LILRB5: variants seen among roughly 807,000 people sequenced by gnomAD.
The protein encoded by LILRB5 is leukocyte immunoglobulin like receptor B5, also known as leukocyte immunoglobulin-like receptor subfamily B member 5.
A neutral mutation model predicts 68.4 loss-of-function variants in LILRB5; 61 were observed. That is an observed-to-expected ratio of 0.89 (90% CI 0.73 to 1.10). The LOEUF is 1.10. Among genes scored for constraint, LILRB5 ranks in the 50% least tolerant of loss-of-function variants. LILRB5 has a pLI of 0.00. For synonymous variants in LILRB5, 356 were observed against 315.8 expected, an observed-to-expected ratio of 1.13 and a Z score of -1.35; for missense variants, 771 against 751.6, an observed-to-expected ratio of 1.03 and a Z score of -0.30.
chr19:54,254,340 G>C (rs551870057), intron 7 of LILRB5, 25 bp downstream of exon 7: 2 of 1,560,992 alleles, frequency 1.3e-6, no homozygotes, highest in Admixed American at 1.9e-5. Context: ...CGCTCCCTCC[G>C]AGCCCAGAGG....
chr19:54,250,995 G>C, intron 12 of LILRB5, 63 bp from the exon 13 acceptor site: 1 of 1,595,450 alleles, frequency 6.3e-7, no homozygotes, highest in Non-Finnish European at 8.6e-7. Flanking sequence ...TGGGGGCCTG[G>C]AGAGGAAAGG....
chr19:54,255,964 A>G (rs2079126341), intron 4 of LILRB5, 79 bp downstream of exon 4: 1 of 1,185,018 alleles, frequency 8.4e-7, no homozygotes, highest in East Asian at 2.4e-5. Context: ...GGTCCTTGCC[A>G]TGATCAGTCA....
intron 6 of LILRB5, 94 bp from the exon 7 acceptor site, chr19:54,254,509 T>C (rs2079056804): frequency 2.8e-6 from 4 of 1,416,470 alleles, no homozygotes; most frequent in Non-Finnish European, 3.8e-6. Flanking sequence ...GAAACTTTCT[T>C]CTGCTCACCT....
rs202105013 is a variant in LILRB5, at chr19:54,250,897, G to A, written c.1665C>T (p.Tyr555=). 1.5e-4 allele frequency: 243 copies of A among 1,611,472 alleles called. 1 individual carries two copies. Among genetic ancestry groups the A allele is most frequent in the South Asian group, 3.3e-4 (30 of 90,948 alleles). Residue 555 remains tyrosine, a synonymous_variant, in exon 13 of 13, where the codon TAC becomes TAT. Coordinates refer to ENST00000449561, the MANE Select transcript of LILRB5 (RefSeq NM_001081442.3). ...AASEAPQDVT[Y]AQLHSLTLRR... The stretch of plus-strand genomic sequence containing the variant: ...TGAGGGTCAAGCTGTGCAGCTGGGC[G>A]TAGGTCACATCCTGGGGGGCTTCAG...
chr19:54,253,948 A>G (rs1292950369), intron 8 of LILRB5, 70 bp downstream of exon 8: 3 of 1,553,216 alleles, frequency 1.9e-6, no homozygotes, highest in African/African-American at 1.4e-5. Context: ...GAGGAGCCTG[A>G]ACCTACGACA....
At chr19:54,255,804 G>A in intron 4 of LILRB5, 3 of 674,282 alleles carry the variant, frequency 4.4e-6, no homozygotes, top group South Asian at 2.0e-5. Flanking sequence ...TCTCCTCATT[G>A]AGGGACAGGA....
rs1299202404 is a variant in LILRB5 at position 54,254,778 on chromosome 19, G to A, written c.1212C>T (p.Tyr404=). The change falls in exon 6 of 13, where the codon TAC becomes TAT. Residue 404 remains tyrosine (Y), a synonymous_variant. Transcript: ENST00000449561. ...GGGGGTAACTAGGGCTGGACAGCAGGTAGGGGTAGGACCTGATTGCGCTGT... is the reference window on the plus strand; with the variant it reads ...GGGGGTAACTAGGGCTGGACAGCAGATAGGGGTAGGACCTGATTGCGCTGT... The part of the protein sequence containing the change: ...RCYSAIRSYP[Y]LLSSPSYPQE... 1 of 1,614,152 alleles carries A rather than the reference G, an allele frequency of 6.2e-7. No individual in the cohort carries two copies. The highest frequency in any genetic ancestry group is 1.1e-5 in the South Asian group (1 of 91,090).
intron 12 of LILRB5, 42 bp from the exon 13 acceptor site, chr19:54,250,974 T>A (rs527853571): frequency 8.0e-7 from 1 of 1,255,772 alleles, no homozygotes; most frequent in Non-Finnish European, 1.1e-6. Flanking sequence ...GTGGTGGGGG[T>A]GGGGGAGGCC....
chr19:54,254,382 C>A lies in LILRB5; in HGVS notation c.1289G>T (p.Gly430Val). The A allele has an allele frequency of 6.3e-7, 1 of 1,584,142 alleles. No individual in the cohort carries two copies. The highest frequency in any genetic ancestry group is 1.2e-5 in the South Asian group (1 of 86,474). The change falls in exon 7 of 13, where the codon GGC becomes GTC. Residue 430 changes from glycine to valine, a missense_variant. Coordinates refer to ENST00000449561, the MANE Select transcript of LILRB5 (RefSeq NM_001081442.3). ...TGACTCACCAGGTGTGGGGGTGGAG[C>A]CTGTAGGTGAGAGGCTGGGATCCCC... ...PSGDPSLSPT[G>V]STPTPAGPED...
At position 54,255,516 on chromosome 19, in the gene LILRB5, G is replaced by C. The variant is rs1232808950; in HGVS notation, c.722C>G (p.Thr241Ser). Residue 241 changes from threonine to serine, a missense_variant, in exon 5 of 13, where the codon ACC (threonine) becomes AGC (serine). Coordinates refer to ENST00000449561, the MANE Select transcript of LILRB5 (RefSeq NM_001081442.3). Reference sequence around the variant, plus strand: ...GCCGACATCAGAGCGACACTGCAGGGTCAGGCTGCCTCCGCGGGCCACGAC... The same window carrying C: ...GCCGACATCAGAGCGACACTGCAGGCTCAGGCTGCCTCCGCGGGCCACGAC... ...GSVVARGGSL[T>S]LQCRSDVGYD... The C allele has an allele frequency of 6.2e-7, 1 of 1,613,940 alleles. No individual in the cohort carries two copies. The highest frequency in any genetic ancestry group is 1.7e-5 in the Admixed American group (1 of 60,002).
In LILRB5 at chr19:54,249,728, T is replaced by TA. The variant is rs2078888669; in HGVS notation, c.*1057_*1058insT. 1 of 152,194 alleles carries TA rather than the reference T, an allele frequency of 6.6e-6. No homozygotes were observed. The highest frequency in any genetic ancestry group is 2.4e-5 in the African/African-American group (1 of 41,438). 9.4% of individuals were successfully genotyped at this position (152,194 alleles called of 1,614,324 possible). A position where few individuals can be genotyped will look rare whatever the true frequency, so the allele number is the denominator to read the frequency against. ...GAGACTAACTAAGGACTAGGGCGCATCCCTTTAAAATTGAAATGTATGGGC... is the reference window on the plus strand; with the variant it reads ...GAGACTAACTAAGGACTAGGGCGCATACCCTTTAAAATTGAAATGTATGGGC... On this transcript the variant is annotated 3_prime_UTR_variant, in exon 13 of 13. Transcript: ENST00000449561.
In LILRB5 at chr19:54,252,293, C is replaced by T. The variant is rs2078983652; in HGVS notation, c.1576+73G>A. On this transcript the variant is annotated intron_variant, in intron 11 of 12. Transcript: ENST00000449561. Reference sequence around the variant, plus strand: ...CCCCAGACCCCCCCCAGCCTGTGCTCCTGCCCCCATTGCTACAGAAACTTT... The same window carrying T: ...CCCCAGACCCCCCCCAGCCTGTGCTTCTGCCCCCATTGCTACAGAAACTTT... The T allele has an allele frequency of 1.4e-5, 21 of 1,526,608 alleles. No individual in the cohort carries two copies. In the South Asian group the frequency reaches 2.4e-4, roughly 18 times the overall value. The allele number at this position is 1,526,608 out of a possible 1,614,324, so 94.6% of individuals were successfully genotyped here.
At chr19:54,253,040 T>C in intron 8 of LILRB5, 53 bp from the exon 9 acceptor site, 1 of 1,287,872 alleles carries the variant, frequency 7.8e-7, no homozygotes, top group Non-Finnish European at 1.1e-6. Context: ...GTGAGCACCT[T>C]CTGTGTGCAG....
rs375473834 is a variant in LILRB5 at position 54,254,007 on chromosome 19, C to T, written c.1357+11G>A. On this transcript the variant is annotated intron_variant, in intron 8 of 12. Transcript: ENST00000449561. ...TCTCCGCCCACCTCCCACTCAGAGCCCCTCACTCACCACTCTGGGGATCCA... is the reference window on the plus strand; with the variant it reads ...TCTCCGCCCACCTCCCACTCAGAGCTCCTCACTCACCACTCTGGGGATCCA... 5.5e-5 allele frequency: 87 copies of T among 1,585,268 alleles called. No homozygotes were observed. The highest frequency in any genetic ancestry group is 6.9e-5 in the Non-Finnish European group (80 of 1,164,884).
At position 54,254,819 on chromosome 19, in the gene LILRB5, C is replaced by A; in HGVS notation, c.1171G>T (p.Gly391Ter). Residue 391 changes from glycine to a stop codon, truncating the protein, a stop_gained, in exon 6 of 13, where the codon GGA becomes TGA. Transcript: ENST00000449561. LOFTEE classifies it high-confidence loss of function. ...SMSPVTSAQG[G>*]TYRCYSAIRS... Reference sequence around the variant, plus strand: ...ATTGCGCTGTAGCATCGGTAGGTTCCACCCTGGGCTGAGGTCACAGGACTC... The same window carrying A: ...ATTGCGCTGTAGCATCGGTAGGTTCAACCCTGGGCTGAGGTCACAGGACTC... The A allele has an allele frequency of 6.2e-7, 1 of 1,614,160 alleles. No individual in the cohort carries two copies. The highest frequency in any genetic ancestry group is 8.5e-7 in the Non-Finnish European group (1 of 1,180,012).
rs1475550499 is a variant in LILRB5 at position 54,257,012 on chromosome 19, C to T, written c.35-16G>A. 5 of 1,614,108 alleles carry T rather than the reference C, an allele frequency of 3.1e-6. No homozygotes were observed. The highest frequency in any genetic ancestry group is 1.7e-5 in the Admixed American group (1 of 60,012). ...ACACTCAGCCCTGGAAGAGAGTTCC[C>T]TGTGAGGGATTTGCCCCTGGAAGCC... On this transcript the variant is annotated splice_polypyrimidine_tract_variant and intron_variant, in intron 1 of 12. Transcript: ENST00000449561.
chr19:54,257,095 G>A, intron 1 of LILRB5, 65 bp downstream of exon 1: 1 of 1,613,990 alleles, frequency 6.2e-7, no homozygotes, highest in Non-Finnish European at 8.5e-7. Context: ...TGATAGACCA[G>A]AGCCTCGCTT....
chr19:54,255,000 C>G lies in LILRB5; in HGVS notation c.990G>C (p.Pro330=). Residue 330 remains proline, a synonymous_variant, in exon 6 of 13, where the codon CCG becomes CCC. Transcript: ENST00000449561. ...IPDIPALSVQ[P]GPKVASGENV... ...TCTCTCCTGAGGCCACCTTGGGGCCCGGCTGCACCGAGAGGGCGGGTATGT... is the reference window on the plus strand; with the variant it reads ...TCTCTCCTGAGGCCACCTTGGGGCCGGGCTGCACCGAGAGGGCGGGTATGT... 2 of 1,611,350 alleles carry G rather than the reference C, an allele frequency of 1.2e-6. No individual in the cohort carries two copies. The highest frequency in any genetic ancestry group is 1.7e-6 in the Non-Finnish European group (2 of 1,178,572).
At chr19:54,257,039 C>T (rs748989906) in intron 1 of LILRB5, 43 bp from the exon 2 acceptor site, 1 of 1,614,204 alleles carries the variant, frequency 6.2e-7, no homozygotes, top group East Asian at 2.2e-5. Context: ...CTGGAAGCCC[C>T]AGCAGTTCCT....
Sources: allele counts gnomAD v4.1 joint callset, GRCh38; gene constraint gnomAD v4.1.1; transcripts MANE v1.5; gene names NCBI Gene and HGNC (gene_info 2026-07-23, HGNC 2026-07-21).